KDM6A: variants seen among roughly 807,000 people sequenced by gnomAD.
KDM6A encodes lysine-specific demethylase 6A.
Under a neutral mutation model 117.6 loss-of-function variants are expected in KDM6A, and 11 were observed. The ratio of observed to expected loss-of-function variants is 0.09; its 90% confidence interval spans 0.06 to 0.15. The LOEUF (loss-of-function observed/expected upper bound fraction) is 0.15. KDM6A is among the 10% of genes least tolerant of loss of function. The pLI, the probability that KDM6A is intolerant of heterozygous loss-of-function variation, is 1.00. For missense variants in KDM6A, 799 were observed against 1,077.3 expected (o/e 0.74, Z 3.62); for synonymous variants, 384 against 396.1 (o/e 0.97, Z 0.36).
chrX:45,057,852 A>G (rs753513883), intron 10 of KDM6A, among the ~76,000 whole-genome samples: 1 of 111,368 alleles, frequency 9.0e-6, no homozygotes, highest in Admixed American at 9.6e-5. Flanking sequence ...TTGGGCAAGT[A>G]AAAACATTAA....
rs765739399 is a variant in KDM6A at position 44,895,841 on chromosome X, CTTT to C, written c.225+21863_225+21865del. On this transcript the variant is annotated intron_variant, in intron 2 of 29. Transcript: ENST00000611820. Reference sequence around the variant, plus strand: ...TTTTTGTGTGTTTCTCATTCATCTGCTTTTTTTTTTTACCTTCTTATGGGTTAT... The same window carrying C: ...TTTTTGTGTGTTTCTCATTCATCTGCTTTTTTTTACCTTCTTATGGGTTAT... Among the ~76,000 whole-genome samples the C allele has an allele frequency of 5.1e-5, 5 of 98,048 alleles. No individual in the cohort carries two copies. In the East Asian group the frequency reaches 1.6e-3, roughly 31 times the overall value. 85.1% of individuals were successfully genotyped at this position (98,048 alleles called of 115,157 possible).
rs1332101307 is a variant in KDM6A, at chrX:45,061,939, C to A, written c.1581+520C>A. ...TTTTTTAAACAGGACATGGTTTACA[C>A]TACATAAAGTATAAATATAGGGTAT... On this transcript the variant is annotated intron_variant, in intron 15 of 29. Transcript: ENST00000611820. 2.8e-5 allele frequency among the ~76,000 whole-genome samples: 3 copies of A among 107,898 alleles called. No individual in the cohort carries two copies. The East Asian group carries it at 8.6e-4, about 31-fold the overall frequency. The allele number at this position is 107,898 out of a possible 115,157, so 93.7% of individuals were successfully genotyped here. A position where few individuals can be genotyped will look rare whatever the true frequency, so the allele number is the denominator to read the frequency against.
At chrX:45,012,830 T>G (rs903366295) in intron 5 of KDM6A, among the ~76,000 whole-genome samples, 1 of 111,717 alleles carries the variant, frequency 9.0e-6, no homozygotes, top group African/African-American at 3.3e-5. Context: ...AATACCTGTG[T>G]GTATATAGTG....
chrX:45,003,922 T>C (rs1306207162), intron 4 of KDM6A, among the ~76,000 whole-genome samples: 1 of 78,796 alleles, frequency 1.3e-5, no homozygotes. Context: ...CACCCCCGCT[T>C]CTCTCTCTCT....
chrX:44,988,403 C>G (rs1206193864), intron 4 of KDM6A, among the ~76,000 whole-genome samples: 2 of 111,434 alleles, frequency 1.8e-5, no homozygotes, highest in South Asian at 3.8e-4. Context: ...GCCTTCTTCT[C>G]TCAACTCGTT....
chrX:45,094,289 TGATA>T (rs1397568636), intron 27 of KDM6A, among the ~76,000 whole-genome samples: 1 of 111,727 alleles, frequency 9.0e-6, no homozygotes, highest in Non-Finnish European at 1.9e-5. Context: ...AGAAATTCGG[TGATA>T]GATCCACTGA....
At chrX:44,997,587 T>C (rs7877491) in intron 4 of KDM6A, among the ~76,000 whole-genome samples, 38,952 of 110,507 alleles carry the variant, frequency 0.35, 7,636 homozygotes, top group African/African-American at 0.75. Context: ...AGTGCCTGTC[T>C]TCACTTAGGT....
chrX:45,087,409 A>G (rs2045691071), intron 25 of KDM6A, among the ~76,000 whole-genome samples: 1 of 113,137 alleles, frequency 8.8e-6, no homozygotes, highest in South Asian at 3.5e-4. Flanking sequence ...GTTTCCTTAT[A>G]TAAAAGCAAG....
At chrX:44,956,727 G>A (rs2038352693) in intron 2 of KDM6A, among the ~76,000 whole-genome samples, 1 of 111,790 alleles carries the variant, frequency 8.9e-6, no homozygotes, top group African/African-American at 3.3e-5. Context: ...CATATTTCAT[G>A]GATGATACAT....
Position 44,992,209 on chromosome X carries a change from T to C in KDM6A, c.384+17494T>C, listed in dbSNP as rs1487964581. 4.7e-4 allele frequency among the ~76,000 whole-genome samples: 5 copies of C among 10,540 alleles called. No individual in the cohort carries two copies. In the African/African-American group the frequency reaches 7.1e-3, roughly 15 times the overall value. 9.2% of individuals were successfully genotyped at this position (10,540 alleles called of 115,157 possible). A position where few individuals can be genotyped will look rare whatever the true frequency, so the allele number is the denominator to read the frequency against. ...AATTTAGCAATACTGTCTTCTTCTT[T>C]TTTTTTTTTTTTTTTTTTTTTTTTT... On this transcript the variant is annotated intron_variant, in intron 4 of 29. Coordinates refer to ENST00000611820, the MANE Select transcript of KDM6A (RefSeq NM_001291415.2).
At chrX:44,990,640 C>T (rs767369037) in intron 4 of KDM6A, among the ~76,000 whole-genome samples, 2 of 111,653 alleles carry the variant, frequency 1.8e-5, no homozygotes, top group South Asian at 3.7e-4. Flanking sequence ...ACAAAGTTCT[C>T]GTGCTTCTTA....
intron 2 of KDM6A, among the ~76,000 whole-genome samples, chrX:44,939,204 TAAA>T (rs1215289646): frequency 8.9e-6 from 1 of 112,174 alleles, no homozygotes; most frequent in Non-Finnish European, 1.9e-5. Flanking sequence ...GCAAAGTAAA[TAAA>T]AAACCTTCTG....
chrX:44,919,971 G>A (rs992428289), intron 2 of KDM6A, among the ~76,000 whole-genome samples: 6 of 111,986 alleles, frequency 5.4e-5, no homozygotes, highest in African/African-American at 1.9e-4. Context: ...TAGGGGATTA[G>A]TATCCAGATA....
chrX:45,063,936 G>T (rs2044415570), intron 17 of KDM6A, 119 bp downstream of exon 17: 3 of 670,574 alleles, frequency 4.5e-6, no homozygotes, highest in Non-Finnish European at 7.0e-6. Flanking sequence ...GAATTTTGTG[G>T]CACTACAATG....
At chrX:45,107,674 T>A (rs920541099) in intron 28 of KDM6A, 138 bp downstream of exon 28, 1 of 586,334 alleles carries the variant, frequency 1.7e-6, no homozygotes, top group African/African-American at 2.4e-5. Flanking sequence ...TTCAATTTTG[T>A]TGCTTAGCCA....
At chrX:45,108,428 C>A (rs1163252294) in intron 28 of KDM6A, among the ~76,000 whole-genome samples, 6 of 111,381 alleles carry the variant, frequency 5.4e-5, no homozygotes, top group Non-Finnish European at 1.1e-4. Flanking sequence ...TTTGAGCAGG[C>A]AACTAAGGGT....
chrX:44,889,649 A>G (rs143189168), intron 2 of KDM6A, among the ~76,000 whole-genome samples: 5,249 of 111,420 alleles, frequency 0.047, 322 homozygotes, highest in African/African-American at 0.16. Context: ...TAATCCTTAA[A>G]TAGTCATGAT....
chrX:45,079,769 C>T (rs1229687576), intron 21 of KDM6A, among the ~76,000 whole-genome samples: 1 of 112,147 alleles, frequency 8.9e-6, no homozygotes, highest in Non-Finnish European at 1.9e-5. Context: ...TGGTCTCGAA[C>T]TCCTGACCTC....
intron 2 of KDM6A, among the ~76,000 whole-genome samples, chrX:44,927,781 A>G (rs1414451403): frequency 8.1e-5 from 9 of 111,639 alleles, no homozygotes. Context: ...CCTAGGAGTG[A>G]CTTCTAGAAA....
Sources: allele counts gnomAD v4.1 joint callset (sites outside exome capture counted in the v4.1 genomes callset), GRCh38; gene constraint gnomAD v4.1.1; transcripts MANE v1.5; gene names NCBI Gene and HGNC (gene_info 2026-07-23, HGNC 2026-07-21).